Variants in ABHD17B observed in about 807,000 individuals in gnomAD.
ABHD17B encodes abhydrolase domain containing 17B, depalmitoylase.
Under a neutral mutation model 26.2 loss-of-function variants are expected in ABHD17B, and 9 were observed. The ratio of observed to expected loss-of-function variants is 0.34; its 90% CI spans 0.21 to 0.60. ABHD17B has a LOEUF of 0.60. Among genes scored for constraint, ABHD17B ranks in the 20% least tolerant of loss-of-function variants. The probability of loss-of-function intolerance (pLI) is 0.80; values close to 1 mark genes in which losing one functional copy is unlikely to be tolerated. For missense variants in ABHD17B, 224 were observed against 352.1 expected (o/e 0.64, Z 2.91); for synonymous variants, 127 against 122.3 (o/e 1.04, Z -0.25).
chr9:71,899,371 G>T (rs1408206547), intron 1 of ABHD17B, among the ~76,000 whole-genome samples: 1 of 152,132 alleles, frequency 6.6e-6, no homozygotes, highest in Non-Finnish European at 1.5e-5. Context: ...TGAGCCTGTA[G>T]TTTTTATTTG....
intron 1 of ABHD17B, among the ~76,000 whole-genome samples, chr9:71,894,316 G>A (rs1169764657): frequency 6.6e-6 from 1 of 151,892 alleles, no homozygotes; most frequent in African/African-American, 2.4e-5. Context: ...ATATAAAACT[G>A]GATTAAGGTA....
intron 1 of ABHD17B, among the ~76,000 whole-genome samples, chr9:71,889,494 T>C (rs2132175069): frequency 6.6e-6 from 1 of 152,196 alleles, no homozygotes; most frequent in East Asian, 1.9e-4. Context: ...ATCAGACTAA[T>C]CTGAAAGACA....
chr9:71,865,727 G>T lies in ABHD17B; in HGVS notation c.*1060C>A. The T allele has an allele frequency of 1.7e-6, 1 of 583,050 alleles. No individual in the cohort carries two copies. Among genetic ancestry groups the T allele is most frequent in the Non-Finnish European group, 2.2e-6 (1 of 462,774 alleles). 36.1% of individuals were successfully genotyped at this position (583,050 alleles called of 1,614,324 possible). On this transcript the variant is annotated 3_prime_UTR_variant, in exon 4 of 4. Coordinates refer to ENST00000333421, the MANE Select transcript of ABHD17B (RefSeq NM_001025780.3). ...AATACAAAAATTAGCCAGGCGTGGT[G>T]GCAAGCATCTGTAATACCAGCTACT...
chr9:71,899,137 A>AT (rs1340995380), intron 1 of ABHD17B, among the ~76,000 whole-genome samples: 3 of 152,006 alleles, frequency 2.0e-5, no homozygotes, highest in Admixed American at 1.3e-4. Context: ...AAAAAAAAAA[A>AT]GAGAGCTGAG....
At chr9:71,904,907 A>G (rs1256664674) in intron 1 of ABHD17B, among the ~76,000 whole-genome samples, 2 of 152,214 alleles carry the variant, frequency 1.3e-5, no homozygotes, top group East Asian at 1.9e-4. Context: ...AAGTAAATTT[A>G]GATCCATGAG....
intron 1 of ABHD17B, among the ~76,000 whole-genome samples, chr9:71,904,270 C>G (rs1827221633): frequency 6.6e-6 from 1 of 152,132 alleles, no homozygotes; most frequent in Non-Finnish European, 1.5e-5. Context: ...GCTTGTTTTG[C>G]TCATAGACGT....
At chr9:71,870,306 GT>G (rs1240913057) in intron 2 of ABHD17B, 44 bp from the exon 3 acceptor site, 1 of 1,513,242 alleles carries the variant, frequency 6.6e-7, no homozygotes, top group African/African-American at 1.4e-5. Context: ...AAAAGTTGGA[GT>G]GATATGAAAT....
At chr9:71,877,736 A>G (rs915458373) in intron 1 of ABHD17B, among the ~76,000 whole-genome samples, 4 of 152,216 alleles carry the variant, frequency 2.6e-5, no homozygotes, top group African/African-American at 9.6e-5. Context: ...TTCATACACT[A>G]TAATAAACTA....
At chr9:71,899,309 G>A (rs1827062870) in intron 1 of ABHD17B, among the ~76,000 whole-genome samples, 1 of 152,194 alleles carries the variant, frequency 6.6e-6, no homozygotes, top group South Asian at 2.1e-4. Context: ...AAGCAGAAGA[G>A]GTTTGTAAAA....
intron 3 of ABHD17B, among the ~76,000 whole-genome samples, chr9:71,869,467 G>A (rs564624215): frequency 6.6e-5 from 10 of 152,198 alleles, no homozygotes; most frequent in African/African-American, 2.2e-4. Flanking sequence ...CAACTATGAA[G>A]AGTAGGTGGG....
chr9:71,871,960 T>G (rs1324643143), intron 2 of ABHD17B, among the ~76,000 whole-genome samples: 1 of 152,216 alleles, frequency 6.6e-6, no homozygotes, highest in East Asian at 1.9e-4. Flanking sequence ...AAAAGGACAT[T>G]CCAATGTTCA....
In ABHD17B at chr9:71,866,948, C is replaced by T. The variant is rs1474869314; in HGVS notation, c.706G>A (p.Glu236Lys). The change falls in exon 4 of 4, where the codon GAA (glutamate) becomes AAA (lysine). Residue 236 changes from glutamate (E) to lysine (K), a missense_variant. Physicochemically the swap from Glu to Lys is moderately conservative, Grantham distance 56 (BLOSUM62 1). Transcript: ENST00000333421. ...PVLIIHGTED[E>K]VIDFSHGLAL... is the part of the protein sequence containing the mutation. The stretch of plus-strand genomic sequence containing the variant: ...AGGCCATGTGAAAAGTCAATGACTT[C>T]ATCTTCAGTCCCATGAATTATTAAT... The T allele has an allele frequency of 6.2e-7, 1 of 1,614,124 alleles. No homozygotes were observed. Among genetic ancestry groups the T allele is most frequent in the South Asian group, 1.1e-5 (1 of 91,066 alleles).
At chr9:71,862,652 T>C (rs1329039384), downstream of ABHD17B, 1 of 870,648 alleles carries the variant, frequency 1.1e-6, no homozygotes, top group Non-Finnish European at 1.9e-6. Flanking sequence ...GCAGTTTTCA[T>C]AATCTGAGTT....
intron 1 of ABHD17B, among the ~76,000 whole-genome samples, chr9:71,897,349 T>C (rs550029176): frequency 6.6e-6 from 1 of 151,928 alleles, no homozygotes; most frequent in Non-Finnish European, 1.5e-5. Flanking sequence ...GGCAACATAG[T>C]GTGTACAAAA....
intron 2 of ABHD17B, among the ~76,000 whole-genome samples, chr9:71,871,346 G>A (rs911118408): frequency 2.6e-5 from 4 of 152,158 alleles, no homozygotes; most frequent in Non-Finnish European, 4.4e-5. Context: ...GTTTCTTCAA[G>A]TCAGTACTAC....
rs145853750 is a variant in ABHD17B at position 71,888,552 on chromosome 9, T to C, written c.-3-13469A>G. On this transcript the variant is annotated intron_variant, in intron 1 of 3. Coordinates refer to ENST00000333421, the MANE Select transcript of ABHD17B (RefSeq NM_001025780.3). ...CACCCATATGTACCTCAATATTATC[T>C]AGTCAATGTAGTCACAAATCTCACA... 3.7e-3 allele frequency among the ~76,000 whole-genome samples: 567 copies of C among 152,302 alleles called. 3 individuals are homozygous for C. The highest frequency in any genetic ancestry group is 0.014 in the Middle Eastern group (4 of 294).
chr9:71,895,767 G>A (rs191670790), intron 1 of ABHD17B, among the ~76,000 whole-genome samples: 20 of 152,224 alleles, frequency 1.3e-4, no homozygotes, highest in Admixed American at 1.3e-3. Context: ...TATTTGGATG[G>A]TTCGGAGCTA....
intron 1 of ABHD17B, among the ~76,000 whole-genome samples, chr9:71,908,701 C>T (rs148607644): frequency 4.3e-4 from 66 of 152,306 alleles, no homozygotes; most frequent in African/African-American, 1.5e-3. Flanking sequence ...TTCTCCTTAT[C>T]TTTATGCTAA....
In ABHD17B at chr9:71,910,729, C is replaced by T. The variant is rs2132227413; in HGVS notation, c.-99G>A. The T allele has an allele frequency of 6.6e-6, 1 of 152,212 alleles. No homozygotes were observed. The allele number at this position is 152,212 out of a possible 1,614,324, so 9.4% of individuals were successfully genotyped here. On this transcript the variant is annotated 5_prime_UTR_variant, in exon 1 of 4. Transcript: ENST00000333421. ...TCCTCCACAAGGCGAGATCCGCGCT[C>T]CGGGCGCCGTCCGACTCTCTCCGCC... is the stretch of plus-strand genomic sequence containing the variant.
Sources: allele counts gnomAD v4.1 joint callset (sites outside exome capture counted in the v4.1 genomes callset), GRCh38; gene constraint gnomAD v4.1.1; transcripts MANE v1.5; gene names NCBI Gene and HGNC (gene_info 2026-07-23, HGNC 2026-07-21).